Variants in PPP1R9A observed in about 807,000 individuals in gnomAD.
PPP1R9A encodes neurabin-1.
In PPP1R9A, 59 loss-of-function variants were observed where a neutral mutation model predicts 141.9. That is an observed-to-expected ratio of 0.42 (90% CI 0.34 to 0.52). The LOEUF is 0.52. Among genes scored for constraint, PPP1R9A ranks in the 20% least tolerant of loss-of-function variants. PPP1R9A has a pLI of 0.10. For missense variants in PPP1R9A, 1,444 were observed against 1,611.9 expected (o/e 0.90, Z 1.78); for synonymous variants, 500 against 569.7 (o/e 0.88, Z 1.74).
intron 6 of PPP1R9A, chr7:95,202,455 T>G (rs1258472824): frequency 8.5e-6 from 2 of 234,024 alleles, no homozygotes; most frequent in African/African-American, 2.3e-5. Flanking sequence ...TGAAAAATTT[T>G]AAATGTATAT....
At chr7:95,041,370 A>G (rs1162357723) in intron 2 of PPP1R9A, among the ~76,000 whole-genome samples, 2 of 152,204 alleles carry the variant, frequency 1.3e-5, no homozygotes, top group Non-Finnish European at 2.9e-5. Context: ...AAAGATTTTA[A>G]TCATGTTTCT....
At position 95,252,146 on chromosome 7, in the gene PPP1R9A, C is replaced by A. The variant is rs770717812; in HGVS notation, c.2665+16C>A. On this transcript the variant is annotated intron_variant, in intron 12 of 19. Coordinates refer to ENST00000433360, the MANE Select transcript of PPP1R9A (RefSeq NM_001166160.2). ...CTAAGTCAAGGTTTGTTTAACCCAACCACAAAAATCATTTTTGATGACTGT... is the reference window on the plus strand; with the variant it reads ...CTAAGTCAAGGTTTGTTTAACCCAAACACAAAAATCATTTTTGATGACTGT... 3 of 1,539,738 alleles carry A rather than the reference C, an allele frequency of 1.9e-6. No individual in the cohort carries two copies. The highest frequency in any genetic ancestry group is 4.6e-5 in the East Asian group (2 of 43,228).
intron 5 of PPP1R9A, among the ~76,000 whole-genome samples, chr7:95,184,933 T>C (rs1834402348): frequency 6.6e-6 from 1 of 152,088 alleles, no homozygotes; most frequent in African/African-American, 2.4e-5. Flanking sequence ...TAAACGTGAG[T>C]GTGTGGGTGT....
chr7:95,073,833 C>G (rs1455565284), intron 2 of PPP1R9A, among the ~76,000 whole-genome samples: 3 of 151,934 alleles, frequency 2.0e-5, no homozygotes, highest in Admixed American at 2.0e-4. Flanking sequence ...CCTCCTGCCT[C>G]AGCCTCCCAA....
chr7:95,105,252 A>G (rs1435479715), intron 2 of PPP1R9A, among the ~76,000 whole-genome samples: 1 of 152,244 alleles, frequency 6.6e-6, no homozygotes, highest in Non-Finnish European at 1.5e-5. Context: ...GTTGTGGTTC[A>G]AACTACTGAA....
chr7:94,970,320 A>G (rs1798719193), intron 2 of PPP1R9A, among the ~76,000 whole-genome samples: 1 of 152,206 alleles, frequency 6.6e-6, no homozygotes, highest in Non-Finnish European at 1.5e-5. Flanking sequence ...TGCAAAGACC[A>G]TGGGAAAAGT....
intron 7 of PPP1R9A, among the ~76,000 whole-genome samples, chr7:95,216,597 A>T (rs1476449883): frequency 1.3e-5 from 2 of 152,188 alleles, no homozygotes; most frequent in Admixed American, 1.3e-4. Context: ...CCTATCCATG[A>T]GCATGGAATG....
At chr7:94,948,361 C>G (rs567520836) in intron 2 of PPP1R9A, among the ~76,000 whole-genome samples, 5 of 152,148 alleles carry the variant, frequency 3.3e-5, no homozygotes, top group African/African-American at 1.2e-4. Context: ...TTTGTTTTTA[C>G]ATTTTCCCTC....
intron 5 of PPP1R9A, among the ~76,000 whole-genome samples, chr7:95,179,629 C>T (rs563547970): frequency 3.4e-4 from 52 of 152,040 alleles, no homozygotes; most frequent in Non-Finnish European, 6.5e-4. Flanking sequence ...ACCCTAAAGA[C>T]TCCTCCAGAA....
intron 2 of PPP1R9A, among the ~76,000 whole-genome samples, chr7:95,078,168 C>G (rs1179522497): frequency 7.7e-6 from 1 of 129,118 alleles, no homozygotes; most frequent in Non-Finnish European, 1.6e-5. Context: ...GTGTGATGTT[C>G]CCCTTCCTGT....
At chr7:94,912,002 G>T (rs960177361) in intron 2 of PPP1R9A, among the ~76,000 whole-genome samples, 1 of 152,130 alleles carries the variant, frequency 6.6e-6, no homozygotes, top group African/African-American at 2.4e-5. Flanking sequence ...GGATTGTGAG[G>T]AATTTTGTTG....
intron 16 of PPP1R9A, among the ~76,000 whole-genome samples, chr7:95,278,213 T>G (rs963743886): frequency 7.2e-5 from 11 of 152,220 alleles, no homozygotes; most frequent in Non-Finnish European, 1.3e-4. Context: ...TGACTTCCCA[T>G]TCACCTCTGC....
At chr7:94,974,198 G>A (rs954110181) in intron 2 of PPP1R9A, among the ~76,000 whole-genome samples, 1 of 152,100 alleles carries the variant, frequency 6.6e-6, no homozygotes, top group South Asian at 2.1e-4. Flanking sequence ...TATTAGGATC[G>A]CCTAAGGAGC....
rs139440121 is a variant in PPP1R9A, at chr7:95,068,830, T to G, written c.1396-42429T>G. ...GGCCCAGCAGTCAGGTACTTGCTTT[T>G]GTAACCACCCAATGAGTTCACCTTG... On this transcript the variant is annotated intron_variant, in intron 2 of 19. Coordinates refer to ENST00000433360, the MANE Select transcript of PPP1R9A (RefSeq NM_001166160.2). 2.6e-5 allele frequency among the ~76,000 whole-genome samples: 4 copies of G among 152,298 alleles called. No homozygotes were observed. In the East Asian group the frequency reaches 7.7e-4, roughly 29 times the overall value.
intron 2 of PPP1R9A, among the ~76,000 whole-genome samples, chr7:95,079,310 C>T (rs565323251): frequency 1.4e-3 from 219 of 152,236 alleles, no homozygotes; most frequent in African/African-American, 5.1e-3. Context: ...GGCATTATTT[C>T]TGAGGGCTCT....
At chr7:95,142,691 C>T (rs1008941432) in intron 4 of PPP1R9A, among the ~76,000 whole-genome samples, 4 of 151,724 alleles carry the variant, frequency 2.6e-5, no homozygotes, top group African/African-American at 9.7e-5. Flanking sequence ...ATTATATGGA[C>T]AAGATTAATT....
At chr7:95,248,687 A>G (rs1407334322) in intron 9 of PPP1R9A, among the ~76,000 whole-genome samples, 2 of 152,100 alleles carry the variant, frequency 1.3e-5, no homozygotes, top group African/African-American at 4.8e-5. Flanking sequence ...TAGACTATAG[A>G]CATTTAACTT....
chr7:94,911,583 T>C (rs937757702), intron 2 of PPP1R9A, 75 bp downstream of exon 2: 1 of 1,163,442 alleles, frequency 8.6e-7, no homozygotes, highest in Admixed American at 2.4e-5. Context: ...AGAATAGACT[T>C]GACAACTAGT....
Position 95,250,076 on chromosome 7 carries a change from A to T in PPP1R9A, c.2217A>T (p.Gln739His). ...EKVRWELEKT[Q>H]LQQNIEENKE... ...TGAGGTGGGAACTAGAAAAAACCCA[A>T]CTCCAACAAAACATAGAAGAGAATA... The change falls in exon 10 of 20, where the codon CAA becomes CAT. Residue 739 changes from glutamine to histidine, a missense_variant. Physicochemically the swap from Gln to His is conservative, Grantham distance 24. Around this residue, in one of 5 missense-constraint regions of PPP1R9A, gnomAD observed 488 missense variants for 542.0 expected, o/e 0.90. Coordinates refer to ENST00000433360, the MANE Select transcript of PPP1R9A (RefSeq NM_001166160.2). The T allele has an allele frequency of 6.2e-7, 1 of 1,612,692 alleles. No individual in the cohort carries two copies. The highest frequency in any genetic ancestry group is 8.5e-7 in the Non-Finnish European group (1 of 1,179,612).
Sources: allele counts gnomAD v4.1 joint callset (sites outside exome capture counted in the v4.1 genomes callset), GRCh38; gene constraint gnomAD v4.1.1; regional missense constraint gnomAD v4.1.1; transcripts MANE v1.5; gene names NCBI Gene and HGNC (gene_info 2026-07-23, HGNC 2026-07-21).